The following CCDC88C variants were observed in gnomAD, a reference collection of about 807,000 sequenced individuals.
CCDC88C encodes coiled-coil and HOOK domain protein 88C.
In CCDC88C, 131 loss-of-function variants were observed where a neutral mutation model predicts 198.8. The observed-to-expected ratio is 0.66, with a 90% CI of 0.57 to 0.76. CCDC88C has a LOEUF of 0.76. Among genes scored for constraint, CCDC88C ranks in the 30% least tolerant of loss-of-function variants. CCDC88C has a pLI of 0.00. For missense variants in CCDC88C, 2,553 were observed against 2,631.6 expected (o/e 0.97, Z 0.65); for synonymous variants, 1,166 against 1,114.7 (o/e 1.05, Z -0.92).
intron 13 of CCDC88C, among the ~76,000 whole-genome samples, chr14:91,317,605 C>T (rs906628606): frequency 2.0e-5 from 3 of 152,272 alleles, no homozygotes; most frequent in African/African-American, 7.2e-5. Flanking sequence ...CCTGCAGGGT[C>T]GGGCCAGATT....
At position 91,406,712 on chromosome 14, in the gene CCDC88C, G is replaced by A. The variant is rs183759412; in HGVS notation, c.270+1947C>T. ...TGCCCTGCGTATCTGCTGAGCAGCC[G>A]GCACAGCCACCAGGCCCTCATCACA... On this transcript the variant is annotated intron_variant, in intron 3 of 29. Coordinates refer to ENST00000389857, the MANE Select transcript of CCDC88C (RefSeq NM_001080414.4). Among the ~76,000 whole-genome samples, 5 of 152,356 alleles carry A rather than the reference G, an allele frequency of 3.3e-5. No homozygotes were observed. The East Asian group carries it at 5.8e-4, about 18-fold the overall frequency.
rs769272864 is a variant in CCDC88C at position 91,408,663 on chromosome 14, T to C, written c.266A>G (p.Tyr89Cys). The change falls in exon 3 of 30, where the codon TAC becomes TGC. Residue 89 changes from tyrosine to cysteine, a missense_variant. Transcript: ENST00000389857. ...TILVRNIKTY[Y>C]QEVLQQLIVM... ...CGACAGCAGAACTGCCCTTACCTGG[T>C]AGTAGGTCTTAATGTTTCTCACCAA... is the stretch of plus-strand genomic sequence containing the variant. 1.9e-6 allele frequency: 3 copies of C among 1,588,568 alleles called. No individual in the cohort carries two copies. The highest frequency in any genetic ancestry group is 2.6e-6 in the Non-Finnish European group (3 of 1,156,836).
rs560351442 is a variant in CCDC88C at position 91,339,800 on chromosome 14, G to A, written c.624+84C>T. 51 of 1,431,344 alleles carry A rather than the reference G, an allele frequency of 3.6e-5. No homozygotes were observed. Among genetic ancestry groups the A allele is most frequent in the Middle Eastern group, 5.1e-4 (2 of 3,946 alleles). 88.7% of individuals were successfully genotyped at this position (1,431,344 alleles called of 1,614,324 possible). On this transcript the variant is annotated intron_variant, in intron 7 of 29. Transcript: ENST00000389857. The surrounding 1 kb of genome is among the most constrained non-coding windows in gnomAD (Gnocchi z 5.8). Reference sequence around the variant, plus strand: ...AGAACCTCAGCAGCAGGACCGAGGCGTCTAGGCTGAAGATGAAGGGAGAGG... The same window carrying A: ...AGAACCTCAGCAGCAGGACCGAGGCATCTAGGCTGAAGATGAAGGGAGAGG...
At chr14:91,417,436 G>T in intron 1 of CCDC88C, 195 bp downstream of exon 1, 1 of 573,860 alleles carries the variant, frequency 1.7e-6, no homozygotes, top group South Asian at 2.1e-5. Context: ...GACGCACAAC[G>T]GGGGCGCCGG....
intron 3 of CCDC88C, among the ~76,000 whole-genome samples, chr14:91,399,787 C>T (rs1409739743): frequency 1.3e-5 from 2 of 148,222 alleles, no homozygotes; most frequent in African/African-American, 2.5e-5. Context: ...TGCAGTGAGC[C>T]GAGATCGCGC....
At chr14:91,310,010 T>C (rs549746911) in intron 15 of CCDC88C, 24 bp from the exon 16 acceptor site, 4 of 1,565,908 alleles carry the variant, frequency 2.6e-6, no homozygotes, top group East Asian at 4.7e-5. Context: ...GAGAGAGCAC[T>C]GGATAGGAGC....
Position 91,291,078 on chromosome 14 carries a change from T to C in CCDC88C, c.4119A>G (p.Lys1373=), listed in dbSNP as rs1280990946. Residue 1373 remains lysine (K), a synonymous_variant, in exon 24 of 30, where the codon AAA becomes AAG. Coordinates refer to ENST00000389857, the MANE Select transcript of CCDC88C (RefSeq NM_001080414.4). ...YHEEQKQYID[K]LNALRRHKEK... Reference sequence around the variant, plus strand: ...CCTTATGTCTTCGTAAGGCATTTAATTTGTCTCTGTGAATATAGGAGAAAG... The same window carrying C: ...CCTTATGTCTTCGTAAGGCATTTAACTTGTCTCTGTGAATATAGGAGAAAG... 1 of 1,543,182 alleles carries C rather than the reference T, an allele frequency of 6.5e-7. No homozygotes were observed. Among genetic ancestry groups the C allele is most frequent in the Non-Finnish European group, 8.9e-7 (1 of 1,127,890 alleles).
intron 22 of CCDC88C, 102 bp downstream of exon 22, chr14:91,297,203 C>T: frequency 8.4e-7 from 1 of 1,186,302 alleles, no homozygotes; most frequent in Non-Finnish European, 1.2e-6. Context: ...TGTCTTTGAG[C>T]ACAAATGCCC....
intron 23 of CCDC88C, among the ~76,000 whole-genome samples, chr14:91,293,575 T>TTCCCA (rs1890856833): frequency 8.2e-6 from 1 of 121,494 alleles, no homozygotes. Context: ...ACGGCCCACC[T>TTCCCA]TCCTGTCCCC....
chr14:91,324,611 C>T (rs527904942), intron 12 of CCDC88C, among the ~76,000 whole-genome samples, 168 bp downstream of exon 12: 1 of 152,326 alleles, frequency 6.6e-6, no homozygotes, highest in East Asian at 1.9e-4. Context: ...TCGTGTCTTC[C>T]CTGGGGAGAA....
intron 10 of CCDC88C, among the ~76,000 whole-genome samples, chr14:91,330,924 G>A (rs1892797684): frequency 2.0e-5 from 3 of 152,120 alleles, no homozygotes. Flanking sequence ...GAAGCAGAGG[G>A]CAAGGGGTGA....
intron 1 of CCDC88C, chr14:91,417,189 C>T (rs1167534154): frequency 1.5e-6 from 1 of 679,376 alleles, no homozygotes; most frequent in Non-Finnish European, 2.6e-6. Flanking sequence ...CCATTCGGCG[C>T]CCCCCATTCC....
chr14:91,302,910 G>A (rs996707158), intron 20 of CCDC88C, among the ~76,000 whole-genome samples: 3 of 152,168 alleles, frequency 2.0e-5, no homozygotes, highest in Non-Finnish European at 4.4e-5. Context: ...AGAGACAGAA[G>A]AGAACCCTTA....
chr14:91,377,995 G>GT (rs1251675398), intron 3 of CCDC88C, among the ~76,000 whole-genome samples: 1 of 150,028 alleles, frequency 6.7e-6, no homozygotes, highest in Non-Finnish European at 1.5e-5. Context: ...GGTTCTTTAA[G>GT]TAAGGAAGAA....
chr14:91,280,589 C>T (rs1318536270), intron 27 of CCDC88C, among the ~76,000 whole-genome samples: 4 of 152,282 alleles, frequency 2.6e-5, no homozygotes, highest in Admixed American at 2.6e-4. Flanking sequence ...AAATCCTTTT[C>T]CCTTCTTTTT....
At chr14:91,361,782 A>G (rs930711610) in intron 3 of CCDC88C, among the ~76,000 whole-genome samples, 1 of 152,204 alleles carries the variant, frequency 6.6e-6, no homozygotes, top group African/African-American at 2.4e-5. Context: ...TCTTAAATGC[A>G]TGAGTTTGCC....
chr14:91,351,842 T>C (rs912613827), intron 4 of CCDC88C, among the ~76,000 whole-genome samples: 1 of 152,000 alleles, frequency 6.6e-6, no homozygotes, highest in African/African-American at 2.4e-5. Flanking sequence ...AGACGACAGC[T>C]ACCCCCAGGT....
chr14:91,412,741 T>C (rs1172673142), intron 2 of CCDC88C, among the ~76,000 whole-genome samples: 1 of 152,198 alleles, frequency 6.6e-6, no homozygotes, highest in East Asian at 1.9e-4. Flanking sequence ...AGCCTGTTTG[T>C]ATAATTTTTA....
At chr14:91,276,310 G>A (rs1451910600) in intron 29 of CCDC88C, among the ~76,000 whole-genome samples, 1 of 152,256 alleles carries the variant, frequency 6.6e-6, no homozygotes, top group Non-Finnish European at 1.5e-5. Context: ...CACAACATTA[G>A]ACCGCTAACT....
Sources: gnomAD v4.1 joint callset for allele counts (sites outside exome capture counted in the v4.1 genomes callset) on GRCh38, gnomAD v4.1.1 for gene constraint, Gnocchi (gnomAD v3.1) non-coding constraint, MANE v1.5 for transcripts, NCBI Gene and HGNC (gene_info 2026-07-23, HGNC 2026-07-21) for gene names.